The following RHBDD1 variants were observed in gnomAD, a reference collection of about 807,000 sequenced individuals.
The protein encoded by RHBDD1 is rhomboid-related protein 4.
In RHBDD1, 38 loss-of-function variants were observed where a neutral mutation model predicts 36.3. The observed-to-expected ratio is 1.05, with a 90% CI of 0.81 to 1.37. RHBDD1 has a LOEUF of 1.37. Ranked by LOEUF, RHBDD1 falls within the 40% of genes most tolerant of loss-of-function variation. The probability of loss-of-function intolerance (pLI) is 0.00; values close to 1 mark genes in which losing one functional copy is unlikely to be tolerated. For synonymous variants in RHBDD1, 151 were observed against 136.5 expected, an observed-to-expected ratio of 1.11 and a Z score of -0.74; for missense variants, 393 against 377.6, an observed-to-expected ratio of 1.04 and a Z score of -0.34.
chr2:226,906,865 C>T lies in RHBDD1; in HGVS notation c.639C>T (p.Ile213=). 1 of 1,614,148 alleles carries T rather than the reference C, an allele frequency of 6.2e-7. No individual in the cohort carries two copies. Among genetic ancestry groups the T allele is most frequent in the Non-Finnish European group, 8.5e-7 (1 of 1,179,992 alleles). Residue 213 remains isoleucine (I), a synonymous_variant, in exon 6 of 9, where the codon ATC becomes ATT. Coordinates refer to ENST00000392062, the MANE Select transcript of RHBDD1 (RefSeq NM_001167608.3). ...ACACTCAAGGGCCTCTGAAGAAAATCATGGAAGCATGTGCAGGTACAGAAT... is the reference window on the plus strand; with the variant it reads ...ACACTCAAGGGCCTCTGAAGAAAATTATGGAAGCATGTGCAGGTACAGAAT... ...LMYTQGPLKK[I]MEACAGGFSS...
In RHBDD1 at chr2:226,919,766, A is replaced by G. The variant is rs1297087536; in HGVS notation, c.856+5415A>G. ...CAAAGTGGGGTTATGTGATCCTTCC[A>G]GTTTGCTTCTTTCTGCTCGGGATAG... is the stretch of plus-strand genomic sequence containing the variant. On this transcript the variant is annotated intron_variant, in intron 8 of 8. Transcript: ENST00000392062. 1.6e-4 allele frequency among the ~76,000 whole-genome samples: 25 copies of G among 151,798 alleles called. 1 individual carries two copies. The highest frequency in any genetic ancestry group is 1.6e-3 in the Admixed American group (25 of 15,240).
At chr2:226,826,517 A>ATTTTTTT in the RHBDD1 span, among the ~76,000 whole-genome samples, 1 of 122,084 alleles carries the variant, frequency 8.2e-6, no homozygotes, top group Non-Finnish European at 1.6e-5. Context: ...ATCATGATAG[A>ATTTTTTT]TTTTTTTTTT....
rs372768089 is a variant in RHBDD1, at chr2:226,868,013, G to C, written c.566+695G>C. On this transcript the variant is annotated intron_variant, in intron 5 of 8. Transcript: ENST00000392062. ...ATTACAGGCATGAGCCACCGCACCC[G>C]GCCGATCTAATGCTTTTAAGCCATT... 9.9e-5 allele frequency among the ~76,000 whole-genome samples: 15 copies of C among 152,270 alleles called. No individual in the cohort carries two copies. The East Asian group carries it at 2.5e-3, about 25-fold the overall frequency.
chr2:226,910,776 A>T (rs890908968), intron 7 of RHBDD1, among the ~76,000 whole-genome samples: 1 of 152,172 alleles, frequency 6.6e-6, no homozygotes, highest in African/African-American at 2.4e-5. Context: ...TGAAGATTTT[A>T]AAACATCTGA....
intron 8 of RHBDD1, among the ~76,000 whole-genome samples, chr2:226,941,783 C>T (rs1466075555): frequency 1.3e-5 from 2 of 152,184 alleles, no homozygotes; most frequent in Non-Finnish European, 2.9e-5. Flanking sequence ...TATATCCATG[C>T]ACATACCCAT....
intron 8 of RHBDD1, among the ~76,000 whole-genome samples, chr2:226,922,809 T>C (rs1949416692): frequency 6.6e-6 from 1 of 152,200 alleles, no homozygotes; most frequent in Non-Finnish European, 1.5e-5. Context: ...CTGATTACCA[T>C]GAGGCTTGAA....
At chr2:226,866,226 C>T (rs1330855661) in intron 4 of RHBDD1, among the ~76,000 whole-genome samples, 1 of 152,244 alleles carries the variant, frequency 6.6e-6, no homozygotes, top group African/African-American at 2.4e-5. Flanking sequence ...CACGCACCAC[C>T]ATGCCCAGCT....
chr2:226,908,837 G>A lies in RHBDD1; in HGVS notation c.671G>A (p.Ser224Asn). The A allele has an allele frequency of 6.2e-7, 1 of 1,608,436 alleles. No individual in the cohort carries two copies. The highest frequency in any genetic ancestry group is 8.5e-7 in the Non-Finnish European group (1 of 1,174,868). Residue 224 changes from serine to asparagine, a missense_variant, in exon 7 of 9, where the codon AGT becomes AAT. Physicochemically the swap from Ser to Asn is conservative, Grantham distance 46 (BLOSUM62 1). Transcript: ENST00000392062. Reference protein sequence around the residue: ...MEACAGGFSSSVGYPGRQYYF... With the variant: ...MEACAGGFSSNVGYPGRQYYF... ...TTACGTTTAGGCGGTTTTTCCTCCAGTGTTGGTTACCCAGGACGGCAATAC... is the reference window on the plus strand; with the variant it reads ...TTACGTTTAGGCGGTTTTTCCTCCAATGTTGGTTACCCAGGACGGCAATAC...
At chr2:226,878,784 T>C (rs1338977210) in intron 5 of RHBDD1, among the ~76,000 whole-genome samples, 2 of 152,110 alleles carry the variant, frequency 1.3e-5, no homozygotes, top group Non-Finnish European at 2.9e-5. Flanking sequence ...CCCACTAGAT[T>C]TGGGGAGACT....
rs1959181075 is a variant in RHBDD1, at chr2:226,995,672, A to G, written c.*150A>G. 3 of 634,042 alleles carry G rather than the reference A, an allele frequency of 4.7e-6. No homozygotes were observed. The highest frequency in any genetic ancestry group is 8.5e-6 in the Non-Finnish European group (3 of 352,458). 39.3% of individuals were successfully genotyped at this position (634,042 alleles called of 1,614,324 possible). On this transcript the variant is annotated 3_prime_UTR_variant, in exon 9 of 9. Coordinates refer to ENST00000392062, the MANE Select transcript of RHBDD1 (RefSeq NM_001167608.3). ...CGCTCACATCACCTGGGACAGTCCC[A>G]TGGCCCCTATGAGTCAACTCACAGC...
intron 3 of RHBDD1, among the ~76,000 whole-genome samples, chr2:226,850,629 G>A (rs1942714115): frequency 1.3e-5 from 2 of 152,180 alleles, no homozygotes; most frequent in South Asian, 4.2e-4. Flanking sequence ...GGTGTCTATA[G>A]GCAAGATGAC....
At chr2:226,925,847 A>G (rs923328443) in intron 8 of RHBDD1, among the ~76,000 whole-genome samples, 1 of 152,170 alleles carries the variant, frequency 6.6e-6, no homozygotes, top group East Asian at 1.9e-4. Context: ...TAGAATCATA[A>G]GTAGCATACC....
upstream of RHBDD1, among the ~76,000 whole-genome samples, chr2:226,830,802 AG>A (rs1940722255): frequency 6.9e-6 from 1 of 144,606 alleles, no homozygotes; most frequent in Admixed American, 6.7e-5. Flanking sequence ...CCTCCTGAGT[AG>A]CTGGGACTAC....
intron 8 of RHBDD1, among the ~76,000 whole-genome samples, chr2:226,995,030 CAGA>C (rs963695092): frequency 1.3e-5 from 2 of 151,526 alleles, no homozygotes; most frequent in Non-Finnish European, 2.9e-5. Context: ...AAAGGCTGAT[CAGA>C]AGAAGCCAAA....
intron 6 of RHBDD1, 173 bp from the exon 7 acceptor site, chr2:226,908,649 A>ACG: frequency 1.6e-6 from 1 of 614,696 alleles, no homozygotes. Context: ...ACACACACAC[A>ACG]CTCTTTTCCA....
chr2:226,847,015 T>C (rs2125040480), intron 3 of RHBDD1, among the ~76,000 whole-genome samples: 1 of 152,306 alleles, frequency 6.6e-6, no homozygotes, highest in South Asian at 2.1e-4. Context: ...ACTGCACATG[T>C]GGATAGGTAT....
At chr2:226,917,637 T>G (rs1292565746) in intron 8 of RHBDD1, among the ~76,000 whole-genome samples, 1 of 152,156 alleles carries the variant, frequency 6.6e-6, no homozygotes, top group Non-Finnish European at 1.5e-5. Flanking sequence ...TTGTGCTGAA[T>G]TACTTTTGCT....
intron 2 of RHBDD1, among the ~76,000 whole-genome samples, chr2:226,838,728 C>G (rs1487542743): frequency 6.6e-6 from 1 of 152,014 alleles, no homozygotes; most frequent in Non-Finnish European, 1.5e-5. Context: ...TCTTTTTAAC[C>G]ATAAAATGCT....
At chr2:226,825,492 A>T in the RHBDD1 span, among the ~76,000 whole-genome samples, 2 of 152,220 alleles carry the variant, frequency 1.3e-5, no homozygotes, top group Non-Finnish European at 2.9e-5. Flanking sequence ...ATTAAGAAAG[A>T]TCTATCTAAA....
Sources: allele counts gnomAD v4.1 joint callset (sites outside exome capture counted in the v4.1 genomes callset), GRCh38; gene constraint gnomAD v4.1.1; transcripts MANE v1.5; gene names NCBI Gene and HGNC (gene_info 2026-07-23, HGNC 2026-07-21).